Variants in BNC2 observed in about 807,000 individuals in gnomAD.
BNC2 encodes zinc finger protein basonuclin-2.
In BNC2, 20 loss-of-function variants were observed where a neutral mutation model predicts 76.3. That is an observed-to-expected ratio of 0.26 (90% CI 0.18 to 0.38). BNC2 has a LOEUF of 0.38. Ranked by LOEUF, BNC2 falls within the 10% of genes least tolerant of loss-of-function variation. The probability of loss-of-function intolerance (pLI) is 1.00; values close to 1 mark genes in which losing one functional copy is unlikely to be tolerated. For synonymous variants in BNC2, 582 were observed against 514.8 expected (o/e 1.13, Z -1.77); for missense variants, 1,382 against 1,399.8 (o/e 0.99, Z 0.20).
At chr9:16,446,720 G>C (rs1226924437) in intron 5 of BNC2, among the ~76,000 whole-genome samples, 5 of 151,998 alleles carry the variant, frequency 3.3e-5, no homozygotes, top group Admixed American at 1.3e-4. Context: ...ATAATTCATA[G>C]AGTACTATGC....
rs747770039 is a variant in BNC2, at chr9:16,750,846, G to A, written c.4-12361C>T. Among the ~76,000 whole-genome samples, 4 of 152,248 alleles carry A rather than the reference G, an allele frequency of 2.6e-5. No individual in the cohort carries two copies. In the East Asian group the frequency reaches 7.7e-4, roughly 29 times the overall value. ...TTCAGAAATGTTGAAAAATTTGGGT[G>A]AATGAATGAACACAAGATGAATAAA... is the stretch of plus-strand genomic sequence containing the variant. On this transcript the variant is annotated intron_variant, in intron 1 of 6. Coordinates refer to ENST00000380672, the MANE Select transcript of BNC2 (RefSeq NM_017637.6).
chr9:16,824,415 T>A (rs1818406404), intron 1 of BNC2, among the ~76,000 whole-genome samples: 1 of 152,076 alleles, frequency 6.6e-6, no homozygotes, highest in Non-Finnish European at 1.5e-5. Context: ...AAAGGCCACA[T>A]ATATGACACT....
chr9:16,827,034 T>C (rs894221048), intron 1 of BNC2, among the ~76,000 whole-genome samples: 1 of 152,192 alleles, frequency 6.6e-6, no homozygotes, highest in Non-Finnish European at 1.5e-5. Context: ...CAGCAATAAG[T>C]GCTATGATTT....
intron 3 of BNC2, among the ~76,000 whole-genome samples, chr9:16,648,946 G>C (rs1266798483): frequency 6.6e-6 from 1 of 152,200 alleles, no homozygotes; most frequent in African/African-American, 2.4e-5. Flanking sequence ...ATCACTTTGA[G>C]TTAAAACCAA....
At chr9:16,795,359 A>G (rs929504453) in intron 1 of BNC2, among the ~76,000 whole-genome samples, 6 of 150,084 alleles carry the variant, frequency 4.0e-5, no homozygotes, top group Non-Finnish European at 8.9e-5. Flanking sequence ...CAAACAAATG[A>G]TGACTGCTAA....
chr9:16,762,274 A>C (rs1586863158), intron 1 of BNC2, among the ~76,000 whole-genome samples: 1 of 152,214 alleles, frequency 6.6e-6, no homozygotes, highest in African/African-American at 2.4e-5. Context: ...ATGAAATGCC[A>C]GAAGGGGCTG....
In BNC2 at chr9:16,857,142, T is replaced by G. The variant is rs143898419; in HGVS notation, c.3+13504A>C. The stretch of plus-strand genomic sequence containing the variant: ...GGATAAATGTATATGTAACCAAAAT[T>G]TACGTCTGGTAAACATAAAATTTTT... On this transcript the variant is annotated intron_variant, in intron 1 of 6. Transcript: ENST00000380672. Among the ~76,000 whole-genome samples the G allele has an allele frequency of 2.4e-4, 37 of 152,230 alleles. 2 individuals carry two copies. In the East Asian group the frequency reaches 7.1e-3, roughly 29 times the overall value.
chr9:16,648,810 T>C (rs1304138738), intron 3 of BNC2, among the ~76,000 whole-genome samples: 1 of 152,128 alleles, frequency 6.6e-6, no homozygotes, highest in East Asian at 1.9e-4. Context: ...ACTTAACTCA[T>C]CTCCATTTGC....
At chr9:16,613,608 G>A (rs1214220432) in intron 3 of BNC2, among the ~76,000 whole-genome samples, 3 of 152,196 alleles carry the variant, frequency 2.0e-5, no homozygotes, top group Non-Finnish European at 4.4e-5. Context: ...TTGTGCGCAA[G>A]AAGATCCCCC....
chr9:16,870,434 G>A (rs1050100647), intron 1 of BNC2, among the ~76,000 whole-genome samples: 1 of 151,936 alleles, frequency 6.6e-6, no homozygotes, highest in Non-Finnish European at 1.5e-5. Flanking sequence ...GAAACTTGGG[G>A]CCAAGTTTAG....
chr9:16,562,095 G>C (rs1044833214), intron 4 of BNC2, among the ~76,000 whole-genome samples: 8 of 152,132 alleles, frequency 5.3e-5, no homozygotes, highest in Admixed American at 1.3e-4. Flanking sequence ...ATCTCATACA[G>C]GATTTAGGAC....
At chr9:16,720,857 G>C (rs1824135344) in intron 3 of BNC2, among the ~76,000 whole-genome samples, 1 of 152,014 alleles carries the variant, frequency 6.6e-6, no homozygotes, top group Non-Finnish European at 1.5e-5. Flanking sequence ...TGCACTTCGT[G>C]GCATGAAATG....
rs147405364 is a variant in BNC2 at position 16,853,937 on chromosome 9, T to C, written c.3+16709A>G. Among the ~76,000 whole-genome samples, 424 of 152,292 alleles carry C rather than the reference T, an allele frequency of 2.8e-3. 3 individuals carry two copies. Among genetic ancestry groups the C allele is most frequent in the African/African-American group, 9.9e-3 (410 of 41,558 alleles). On this transcript the variant is annotated intron_variant, in intron 1 of 6. Coordinates refer to ENST00000380672, the MANE Select transcript of BNC2 (RefSeq NM_017637.6). ...GGGTTTAAATAATAAAATTCTCACATTACATGCTTGTACTATGACTGCTCG... is the reference window on the plus strand; with the variant it reads ...GGGTTTAAATAATAAAATTCTCACACTACATGCTTGTACTATGACTGCTCG...
At chr9:16,795,527 C>T (rs1448886148) in intron 1 of BNC2, among the ~76,000 whole-genome samples, 1 of 152,114 alleles carries the variant, frequency 6.6e-6, no homozygotes, top group Non-Finnish European at 1.5e-5. Context: ...ATTATAAACC[C>T]TAGCTCAGCC....
At chr9:16,704,773 C>G (rs1823615727) in intron 3 of BNC2, 1 of 151,578 alleles carries the variant, frequency 6.6e-6, no homozygotes. Flanking sequence ...AGCGGCCTCC[C>G]AGCCAGTGGT....
intron 1 of BNC2, among the ~76,000 whole-genome samples, chr9:16,836,757 T>C (rs1191799156): frequency 3.9e-5 from 6 of 152,062 alleles, no homozygotes; most frequent in Admixed American, 3.3e-4. Context: ...TATCTAATAA[T>C]ACTTTTTTTT....
chr9:16,778,868 A>T (rs1324525115), intron 1 of BNC2, among the ~76,000 whole-genome samples: 1 of 152,200 alleles, frequency 6.6e-6, no homozygotes, highest in Non-Finnish European at 1.5e-5. Context: ...CAAGGGTCTG[A>T]TGTGAAGGCA....
At chr9:16,655,781 C>A (rs554275310) in intron 3 of BNC2, among the ~76,000 whole-genome samples, 4 of 152,276 alleles carry the variant, frequency 2.6e-5, no homozygotes, top group African/African-American at 9.6e-5. Context: ...TCCACAATTG[C>A]TGACTTTCCT....
chr9:16,506,508 CTCCTCTTTTTTTTTTTT>C (rs1302287169), intron 5 of BNC2, among the ~76,000 whole-genome samples: 17,765 of 126,882 alleles, frequency 0.14, 1,311 homozygotes, highest in East Asian at 0.28. Flanking sequence ...CTCTCTCTCT[CTCCTCTTTTTTTTTTTT>C]TTTTTTTTTT....
Sources: allele counts gnomAD v4.1 joint callset (sites outside exome capture counted in the v4.1 genomes callset), GRCh38; gene constraint gnomAD v4.1.1; transcripts MANE v1.5; gene names NCBI Gene and HGNC (gene_info 2026-07-23, HGNC 2026-07-21).